Variants in MTA3 observed in about 807,000 individuals in gnomAD.
The protein encoded by MTA3 is metastasis associated 1 family member 3, also known as metastasis-associated protein MTA3.
Under a neutral mutation model 83.5 loss-of-function variants are expected in MTA3, and 34 were observed. That is an observed-to-expected ratio of 0.41 (90% confidence interval 0.31 to 0.54). MTA3 has a LOEUF of 0.54. Ranked by LOEUF, MTA3 falls within the 20% of genes least tolerant of loss-of-function variation. MTA3 has a pLI of 0.33. For synonymous variants in MTA3, 303 were observed against 252.7 expected (o/e 1.20, Z -1.89); for missense variants, 761 against 726.4 (o/e 1.05, Z -0.55).
At chr2:42,626,485 A>T (rs1424301370) in intron 4 of MTA3, among the ~76,000 whole-genome samples, 1 of 150,576 alleles carries the variant, frequency 6.6e-6, no homozygotes, top group Non-Finnish European at 1.5e-5. Flanking sequence ...TTTAGTAGAG[A>T]TGGGGTTTCA....
At chr2:42,746,916 G>C (rs1261610606) in intron 16 of MTA3, among the ~76,000 whole-genome samples, 2 of 152,126 alleles carry the variant, frequency 1.3e-5, no homozygotes, top group Admixed American at 6.5e-5. Context: ...CAACCATGTA[G>C]AAATGTGATT....
chr2:42,621,643 G>T (rs1420534665), intron 4 of MTA3, among the ~76,000 whole-genome samples: 1 of 152,178 alleles, frequency 6.6e-6, no homozygotes, highest in Non-Finnish European at 1.5e-5. Flanking sequence ...TGAGCTGTTG[G>T]GTACACCTCC....
intron 15 of MTA3, among the ~76,000 whole-genome samples, chr2:42,720,753 G>A (rs1181981620): frequency 6.6e-6 from 1 of 151,796 alleles, no homozygotes; most frequent in East Asian, 1.9e-4. Flanking sequence ...AGGAGTTTGA[G>A]CCTGGGTAAC....
At chr2:42,603,343 T>C (rs1331280891) in intron 3 of MTA3, among the ~76,000 whole-genome samples, 1 of 152,154 alleles carries the variant, frequency 6.6e-6, no homozygotes, top group African/African-American at 2.4e-5. Context: ...GGTGCTCTGT[T>C]GGTGCTAGAT....
intron 2 of MTA3, among the ~76,000 whole-genome samples, chr2:42,578,777 A>C (rs1285666975): frequency 2.0e-5 from 3 of 152,104 alleles, no homozygotes; most frequent in Non-Finnish European, 4.4e-5. Context: ...TGTTTTTTTT[A>C]AGGCTAGTTA....
At chr2:42,525,093 T>C (rs1329055817) in intron 2 of MTA3, among the ~76,000 whole-genome samples, 2 of 151,736 alleles carry the variant, frequency 1.3e-5, no homozygotes, top group Admixed American at 1.3e-4. Flanking sequence ...TATCTCCTAA[T>C]GCTATCCCTC....
At chr2:42,606,206 C>T (rs1214176501) in intron 3 of MTA3, among the ~76,000 whole-genome samples, 1 of 140,126 alleles carries the variant, frequency 7.1e-6, no homozygotes, top group Non-Finnish European at 1.6e-5. Context: ...CTGACCCCCC[C>T]CCACCTCCCT....
chr2:42,533,930 T>C (rs1676103248), intron 2 of MTA3, among the ~76,000 whole-genome samples: 1 of 152,140 alleles, frequency 6.6e-6, no homozygotes, highest in African/African-American at 2.4e-5. Context: ...TTTTCTGTTG[T>C]GGCTACCAGA....
chr2:42,700,560 T>C (rs1460187152), intron 11 of MTA3, among the ~76,000 whole-genome samples: 1 of 152,212 alleles, frequency 6.6e-6, no homozygotes, highest in Non-Finnish European at 1.5e-5. Flanking sequence ...TGTACATTTG[T>C]ATTAGCTCTT....
At chr2:42,675,038 G>C (rs1004651830) in intron 8 of MTA3, among the ~76,000 whole-genome samples, 1 of 151,880 alleles carries the variant, frequency 6.6e-6, no homozygotes, top group Non-Finnish European at 1.5e-5. Context: ...TGGCCTCCCA[G>C]GGCCTCTCAA....
intron 16 of MTA3, among the ~76,000 whole-genome samples, chr2:42,749,380 CTT>C (rs113278024): frequency 6.6e-6 from 1 of 152,166 alleles, no homozygotes; most frequent in Non-Finnish European, 1.5e-5. Context: ...CTTTGTCTCT[CTT>C]TTTTCTAGGT....
At chr2:42,706,817 GC>G (rs1466540562) in intron 12 of MTA3, among the ~76,000 whole-genome samples, 8 of 152,200 alleles carry the variant, frequency 5.3e-5, no homozygotes, top group African/African-American at 1.9e-4. Context: ...GATGTCAGCT[GC>G]CCATGCTCAC....
At chr2:42,556,929 A>C (rs577270550) in intron 2 of MTA3, among the ~76,000 whole-genome samples, 1 of 152,296 alleles carries the variant, frequency 6.6e-6, no homozygotes, top group South Asian at 2.1e-4. Flanking sequence ...TCCAGATTTC[A>C]GGAGCCAGCC....
At chr2:42,606,800 G>C (rs1340276485) in intron 3 of MTA3, among the ~76,000 whole-genome samples, 1 of 151,114 alleles carries the variant, frequency 6.6e-6, no homozygotes, top group African/African-American at 2.4e-5. Flanking sequence ...ATTGAGCACT[G>C]AGTGAACGAG....
chr2:42,679,665 G>A (rs1316677315), intron 8 of MTA3, among the ~76,000 whole-genome samples: 2 of 152,174 alleles, frequency 1.3e-5, no homozygotes, highest in African/African-American at 4.8e-5. Context: ...CTGCCTACAG[G>A]AAATATAAAC....
intron 8 of MTA3, among the ~76,000 whole-genome samples, chr2:42,666,302 A>G (rs955707845): frequency 2.0e-5 from 3 of 152,136 alleles, no homozygotes; most frequent in Non-Finnish European, 4.4e-5. Flanking sequence ...AACAAAGCGT[A>G]ACTGTTATTT....
At chr2:42,619,134 G>A (rs1367410759) in intron 4 of MTA3, among the ~76,000 whole-genome samples, 1 of 152,224 alleles carries the variant, frequency 6.6e-6, no homozygotes, top group African/African-American at 2.4e-5. Context: ...AACAGCAAGA[G>A]GAGAGAGAAC....
chr2:42,653,659 C>T (rs531024803), intron 6 of MTA3, among the ~76,000 whole-genome samples: 1 of 152,122 alleles, frequency 6.6e-6, no homozygotes, highest in Non-Finnish European at 1.5e-5. Context: ...TAAATGCTTT[C>T]AAGAGTGTTT....
At chr2:42,543,838 AT>A (rs941945988) in intron 2 of MTA3, among the ~76,000 whole-genome samples, 8 of 151,272 alleles carry the variant, frequency 5.3e-5, no homozygotes, top group African/African-American at 1.9e-4. Context: ...ACATTAAAAA[AT>A]ATATATATAT....
Sources: allele counts gnomAD v4.1 joint callset (sites outside exome capture counted in the v4.1 genomes callset), GRCh38; gene constraint gnomAD v4.1.1; transcripts MANE v1.5; gene names NCBI Gene and HGNC (gene_info 2026-07-23, HGNC 2026-07-21).